Variants in NPAS3 observed in about 807,000 individuals in gnomAD.
NPAS3 encodes the protein neuronal PAS domain-containing protein 3.
In NPAS3, 14 loss-of-function variants were observed where a neutral mutation model predicts 73.1. That is an observed-to-expected ratio of 0.19 (90% CI 0.13 to 0.30). The LOEUF is 0.30. NPAS3 is among the 10% of genes least tolerant of loss of function. The probability of loss-of-function intolerance (pLI) is 1.00; values close to 1 mark genes in which losing one functional copy is unlikely to be tolerated. For missense variants in NPAS3, 1,096 were observed against 1,250.0 expected (o/e 0.88, Z 1.86); for synonymous variants, 620 against 541.5 (o/e 1.14, Z -2.01).
At chr14:33,045,119 C>T (rs112059809) in intron 1 of NPAS3, among the ~76,000 whole-genome samples, 6,264 of 152,262 alleles carry the variant, frequency 0.041, 143 homozygotes, top group East Asian at 0.06. Context: ...CTTCTCTCCC[C>T]TTGCATTGGT....
chr14:33,635,735 G>A (rs2058496935), intron 5 of NPAS3, among the ~76,000 whole-genome samples: 1 of 152,194 alleles, frequency 6.6e-6, no homozygotes, highest in South Asian at 2.1e-4. Context: ...CACCTTCCCT[G>A]GACTTGTCGG....
chr14:33,652,627 G>A (rs574301197), intron 5 of NPAS3, among the ~76,000 whole-genome samples: 1 of 152,284 alleles, frequency 6.6e-6, no homozygotes, highest in African/African-American at 2.4e-5. Context: ...GAAGCAAAAC[G>A]AGATGAGGGA....
chr14:33,590,780 G>A (rs1012381685), intron 5 of NPAS3, among the ~76,000 whole-genome samples: 1 of 152,092 alleles, frequency 6.6e-6, no homozygotes, highest in African/African-American at 2.4e-5. Flanking sequence ...GGCTTTCTCT[G>A]GATCCAGGTG....
chr14:33,098,564 A>G (rs17100107), intron 2 of NPAS3, among the ~76,000 whole-genome samples: 7,952 of 152,248 alleles, frequency 0.052, 261 homozygotes, highest in African/African-American at 0.088. Flanking sequence ...GAAAACATGG[A>G]TTCTAGCAAA....
intron 1 of NPAS3, among the ~76,000 whole-genome samples, chr14:32,990,113 T>C (rs762461271): frequency 6.6e-6 from 1 of 152,178 alleles, no homozygotes; most frequent in Non-Finnish European, 1.5e-5. Flanking sequence ...GGAGCAAATA[T>C]GTGCCAGAAG....
At chr14:33,438,694 A>G (rs1205371321) in intron 4 of NPAS3, among the ~76,000 whole-genome samples, 1 of 152,204 alleles carries the variant, frequency 6.6e-6, no homozygotes, top group African/African-American at 2.4e-5. Flanking sequence ...TCACTAAGCT[A>G]TCCTGCCTCT....
chr14:33,460,417 G>A (rs980035856), intron 4 of NPAS3, among the ~76,000 whole-genome samples: 1 of 152,036 alleles, frequency 6.6e-6, no homozygotes, highest in African/African-American at 2.4e-5. Flanking sequence ...GTTTTATTTT[G>A]CACTATATTT....
intron 3 of NPAS3, among the ~76,000 whole-genome samples, chr14:33,363,949 T>TG (rs59258926): frequency 2.2e-4 from 10 of 46,088 alleles, no homozygotes; most frequent in East Asian, 2.0e-3. Flanking sequence ...TGTGTGTGTG[T>TG]TGTGTGTGTG....
chr14:33,800,821 GGC>G lies in NPAS3; in HGVS notation c.2515_2516del (p.Ala839HisfsTer13). 1 of 1,602,290 alleles carries G rather than the reference GGC, an allele frequency of 6.2e-7. No homozygotes were observed. ...GCTACGCGCCCGCCGAGGTGACCCT[GGC>G]CATGCAGAGCAACCTGCTGCCCAAC... On this transcript the variant is annotated frameshift_variant, in exon 12 of 12. Transcript: ENST00000356141. LOFTEE classifies it high-confidence loss of function. The surrounding 1 kb of genome is among the most constrained non-coding windows in gnomAD (Gnocchi z 6.5).
chr14:33,259,663 T>G (rs2048899896), intron 3 of NPAS3, among the ~76,000 whole-genome samples: 1 of 152,174 alleles, frequency 6.6e-6, no homozygotes, highest in Non-Finnish European at 1.5e-5. Context: ...TTCATTTTAT[T>G]TTTAAAGGGA....
Position 33,685,171 on chromosome 14 carries a change from A to G in NPAS3, c.733+8786A>G, listed in dbSNP as rs529361061. Among the ~76,000 whole-genome samples the G allele has an allele frequency of 7.2e-5, 11 of 152,136 alleles. No individual in the cohort carries two copies. The South Asian group carries it at 2.3e-3, about 32-fold the overall frequency. ...CAAGGAAATAATGACGAGGCTCCCC[A>G]CCTCCCAGGAGCTGACCATCACATG... On this transcript the variant is annotated intron_variant, in intron 6 of 11. Transcript: ENST00000356141.
intron 3 of NPAS3, among the ~76,000 whole-genome samples, chr14:33,251,651 C>T (rs529995338): frequency 6.6e-6 from 1 of 152,120 alleles, no homozygotes; most frequent in African/African-American, 2.4e-5. Context: ...AGGTATGTTA[C>T]ATAACAAAAA....
chr14:32,977,628 A>G (rs555707540), intron 1 of NPAS3, among the ~76,000 whole-genome samples: 65 of 152,172 alleles, frequency 4.3e-4, no homozygotes, highest in Admixed American at 1.2e-3. Context: ...GCTGTTCAGG[A>G]GGTGGAGGCG....
intron 6 of NPAS3, among the ~76,000 whole-genome samples, chr14:33,706,903 C>T (rs978017078): frequency 7.2e-5 from 11 of 152,154 alleles, no homozygotes; most frequent in African/African-American, 2.2e-4. Flanking sequence ...GGGACAAAAA[C>T]GCTCCAATGG....
At chr14:33,373,463 T>C (rs527994451) in intron 4 of NPAS3, among the ~76,000 whole-genome samples, 6 of 152,034 alleles carry the variant, frequency 3.9e-5, no homozygotes, top group Non-Finnish European at 7.4e-5. Flanking sequence ...AGAACTATCA[T>C]GTACTTATAA....
At chr14:33,066,025 A>ATC (rs1423400446) in intron 2 of NPAS3, among the ~76,000 whole-genome samples, 1 of 152,164 alleles carries the variant, frequency 6.6e-6, no homozygotes, top group African/African-American at 2.4e-5. Context: ...TTGAGGCACC[A>ATC]TCTGGATGTC....
chr14:33,293,504 CAA>C (rs1384504396), intron 3 of NPAS3, among the ~76,000 whole-genome samples: 3 of 152,078 alleles, frequency 2.0e-5, no homozygotes, highest in African/African-American at 4.8e-5. Context: ...TGAGTGATTT[CAA>C]AAGAGGGGAA....
At chr14:33,585,649 A>C (rs117077991) in intron 5 of NPAS3, among the ~76,000 whole-genome samples, 5,707 of 152,326 alleles carry the variant, frequency 0.037, 142 homozygotes, top group South Asian at 0.11. Flanking sequence ...CATGACTCTT[A>C]TATTAATCTT....
intron 7 of NPAS3, among the ~76,000 whole-genome samples, chr14:33,766,945 G>C (rs978038830): frequency 6.6e-6 from 1 of 152,144 alleles, no homozygotes; most frequent in African/African-American, 2.4e-5. Context: ...TATAGTTTTA[G>C]TTGTAAAGTC....
Sources: allele counts gnomAD v4.1 joint callset (sites outside exome capture counted in the v4.1 genomes callset), GRCh38; gene constraint gnomAD v4.1.1; non-coding constraint Gnocchi (gnomAD v3.1); transcripts MANE v1.5; gene names NCBI Gene and HGNC (gene_info 2026-07-23, HGNC 2026-07-21).